ARL13B: variants seen among roughly 807,000 people sequenced by gnomAD.
ARL13B encodes the protein ADP-ribosylation factor-like protein 13B.
Under a neutral mutation model 56.1 loss-of-function variants are expected in ARL13B, and 36 were observed. That is an observed-to-expected ratio of 0.64 (90% CI 0.49 to 0.85). ARL13B has a LOEUF of 0.85. Among genes scored for constraint, ARL13B ranks in the 40% least tolerant of loss-of-function variants. The probability of loss-of-function intolerance (pLI) is 0.00; values close to 1 mark genes in which losing one functional copy is unlikely to be tolerated. For missense variants in ARL13B, 519 were observed against 507.1 expected (o/e 1.02, Z -0.23); for synonymous variants, 178 against 171.1 (o/e 1.04, Z -0.32).
At chr3:94,022,441 GTTATT>G (rs2076468606) in intron 3 of ARL13B, among the ~76,000 whole-genome samples, 1 of 151,936 alleles carries the variant, frequency 6.6e-6, no homozygotes, top group African/African-American at 2.4e-5. Context: ...TTTGGTTTTA[GTTATT>G]TTATTGAATT....
In ARL13B at chr3:94,043,129, A is replaced by G. The variant is rs1033954268; in HGVS notation, c.913A>G (p.Asn305Asp). 2.5e-6 allele frequency: 4 copies of G among 1,613,680 alleles called. No homozygotes were observed. Among genetic ancestry groups the G allele is most frequent in the Non-Finnish European group, 2.5e-6 (3 of 1,179,908 alleles). Residue 305 changes from asparagine to aspartate, a missense_variant, in exon 7 of 10, where the codon AAT (asparagine) becomes GAT (aspartate). By Grantham distance (23) the Asn-to-Asp change is conservative. Coordinates refer to ENST00000394222, the MANE Select transcript of ARL13B (RefSeq NM_001174150.2). The stretch of plus-strand genomic sequence containing the variant: ...GCAAATAGAGACACAAGGCCAGGTT[A>G]ATCACAATGGCCAAAAAAATAATGA... ...HEQIETQGQV[N>D]HNGQKNNEFG...
At position 94,039,787 on chromosome 3, in the gene ARL13B, T is replaced by C. The variant is rs1042787104; in HGVS notation, c.690-93T>C. The C allele has an allele frequency of 3.9e-6, 4 of 1,028,702 alleles. No homozygotes were observed. In the African/African-American group the frequency reaches 6.4e-5, roughly 17 times the overall value. 63.7% of individuals were successfully genotyped at this position (1,028,702 alleles called of 1,614,324 possible). A position where few individuals can be genotyped will look rare whatever the true frequency, so the allele number is the denominator to read the frequency against. ...AACCATGTCCAGATGTTTAAATTAC[T>C]ACATGTAATAGCCTTATACCTATTG... On this transcript the variant is annotated intron_variant, in intron 5 of 9. Transcript: ENST00000394222.
intron 3 of ARL13B, among the ~76,000 whole-genome samples, chr3:94,005,591 G>T (rs944689118): frequency 7.9e-5 from 12 of 152,166 alleles, no homozygotes; most frequent in Admixed American, 1.3e-4. Flanking sequence ...GAACTACTGT[G>T]ATTGCTTCAC....
In ARL13B at chr3:94,054,115, A is replaced by T; in HGVS notation, c.*852A>T. 2.2e-6 allele frequency: 1 copy of T among 452,994 alleles called. No homozygotes were observed. The highest frequency in any genetic ancestry group is 4.4e-6 in the Non-Finnish European group (1 of 226,016). 28.1% of individuals were successfully genotyped at this position (452,994 alleles called of 1,614,324 possible). A position where few individuals can be genotyped will look rare whatever the true frequency, so the allele number is the denominator to read the frequency against. On this transcript the variant is annotated 3_prime_UTR_variant, in exon 10 of 10. Transcript: ENST00000394222. ...TAAAGGTTAGACACTTTCAGAGATC[A>T]AGGTGCTCCCTATACTCCCTTGTTC...
chr3:94,052,059 ATTTC>A (rs1408640820), intron 9 of ARL13B, among the ~76,000 whole-genome samples: 2 of 151,974 alleles, frequency 1.3e-5, no homozygotes, highest in Non-Finnish European at 2.9e-5. Context: ...CAGTAGATTT[ATTTC>A]TTTATTACAC....
chr3:94,013,489 C>T (rs900957282), intron 3 of ARL13B, among the ~76,000 whole-genome samples: 4 of 152,174 alleles, frequency 2.6e-5, no homozygotes, highest in African/African-American at 4.8e-5. Context: ...GTCTGTAATA[C>T]ATTGCCCTGT....
chr3:94,030,121 T>A (rs2076648699), intron 3 of ARL13B, among the ~76,000 whole-genome samples: 1 of 152,076 alleles, frequency 6.6e-6, no homozygotes, highest in Non-Finnish European at 1.5e-5. Flanking sequence ...CGAATGAAAA[T>A]GGTTACCTAT....
At chr3:94,022,012 TTAAAGACAGTCA>T (rs1247200858) in intron 3 of ARL13B, among the ~76,000 whole-genome samples, 5 of 152,344 alleles carry the variant, frequency 3.3e-5, no homozygotes, top group Non-Finnish European at 7.4e-5. Context: ...TCTCCATTCC[TTAAAGACAGTCA>T]TAAAGGCAGT....
rs567407118 is a variant in ARL13B, at chr3:93,983,838, C to A, written c.59+3356C>A. 5.9e-5 allele frequency among the ~76,000 whole-genome samples: 9 copies of A among 152,132 alleles called. No homozygotes were observed. The South Asian group carries it at 1.5e-3, about 25-fold the overall frequency. ...TCGTAGCTACTGTTTCTCTGTAGTACAATTGACACTTGAACAACGCAGGGT... is the reference window on the plus strand; with the variant it reads ...TCGTAGCTACTGTTTCTCTGTAGTAAAATTGACACTTGAACAACGCAGGGT... On this transcript the variant is annotated intron_variant, in intron 1 of 9. Transcript: ENST00000394222.
At chr3:94,046,165 A>G (rs1196668681) in intron 7 of ARL13B, among the ~76,000 whole-genome samples, 1 of 151,768 alleles carries the variant, frequency 6.6e-6, no homozygotes, top group Non-Finnish European at 1.5e-5. Flanking sequence ...ATAAAGATTG[A>G]TACATTTTGA....
chr3:94,053,099 T>G, intron 9 of ARL13B, 88 bp from the exon 10 acceptor site: 1 of 1,048,558 alleles, frequency 9.5e-7, no homozygotes, highest in Non-Finnish European at 1.4e-6. Flanking sequence ...ATGTCTAAAA[T>G]GTCTAAAGTC....
intron 1 of ARL13B, among the ~76,000 whole-genome samples, chr3:93,984,893 C>A (rs1444957962): frequency 6.6e-6 from 1 of 151,838 alleles, no homozygotes; most frequent in South Asian, 2.1e-4. Flanking sequence ...GCCTGTAGTC[C>A]GAGCTACTTG....
chr3:94,018,414 A>G (rs1355786597), intron 3 of ARL13B, among the ~76,000 whole-genome samples: 1 of 152,004 alleles, frequency 6.6e-6, no homozygotes, highest in Non-Finnish European at 1.5e-5. Context: ...GAAGAAAAGT[A>G]TTTCTCCTGT....
intron 1 of ARL13B, chr3:93,988,631 A>G (rs1485313812): frequency 4.0e-6 from 2 of 496,298 alleles, no homozygotes; most frequent in Non-Finnish European, 8.0e-6. Context: ...GGTATATGAT[A>G]TTAATCAGAC....
chr3:94,036,413 G>A (rs981244768), intron 4 of ARL13B, 139 bp from the exon 5 acceptor site: 15 of 812,432 alleles, frequency 1.8e-5, no homozygotes, highest in African/African-American at 3.5e-5. Flanking sequence ...GCTATGTTTT[G>A]GAAGTTAAAT....
At chr3:94,049,672 A>G in intron 8 of ARL13B, 150 bp downstream of exon 8, 1 of 563,270 alleles carries the variant, frequency 1.8e-6, no homozygotes, top group South Asian at 3.4e-5. Context: ...TGATTTGGAC[A>G]AAATTTGCTA....
At chr3:94,028,068 A>G (rs1234143686) in intron 3 of ARL13B, among the ~76,000 whole-genome samples, 2 of 152,202 alleles carry the variant, frequency 1.3e-5, no homozygotes, top group Non-Finnish European at 2.9e-5. Flanking sequence ...CTGTTTTTAC[A>G]TCTGACTTTC....
intron 3 of ARL13B, among the ~76,000 whole-genome samples, chr3:94,025,671 T>G (rs2076541990): frequency 6.6e-6 from 1 of 152,138 alleles, no homozygotes; most frequent in African/African-American, 2.4e-5. Context: ...GGCTATTTTT[T>G]TGATTGTCAC....
At chr3:93,985,396 G>C (rs1238897499) in intron 1 of ARL13B, among the ~76,000 whole-genome samples, 3 of 152,152 alleles carry the variant, frequency 2.0e-5, no homozygotes, top group African/African-American at 4.8e-5. Flanking sequence ...ATATGCAAGA[G>C]TTGAAATATG....
Sources: allele counts gnomAD v4.1 joint callset (sites outside exome capture counted in the v4.1 genomes callset), GRCh38; gene constraint gnomAD v4.1.1; transcripts MANE v1.5; gene names NCBI Gene and HGNC (gene_info 2026-07-23, HGNC 2026-07-21).